CDK13: variants seen among roughly 807,000 people sequenced by gnomAD.
CDK13 encodes cyclin-dependent kinase 13.
In CDK13, 40 loss-of-function variants were observed where a neutral mutation model predicts 137.6. The ratio of observed to expected loss-of-function variants is 0.29; its 90% CI spans 0.23 to 0.38. The LOEUF is 0.38. CDK13 is among the 10% of genes least tolerant of loss of function. The probability of loss-of-function intolerance (pLI) is 1.00; values close to 1 mark genes in which losing one functional copy is unlikely to be tolerated. For synonymous variants in CDK13, 869 were observed against 760.1 expected, an observed-to-expected ratio of 1.14 and a Z score of -2.36; for missense variants, 1,704 against 1,951.8, an observed-to-expected ratio of 0.87 and a Z score of 2.39.
chr7:40,015,760 AT>A lies in CDK13; in HGVS notation c.2353+13736del, dbSNP rs79836303. 4.6e-5 allele frequency among the ~76,000 whole-genome samples: 7 copies of A among 151,646 alleles called. No individual in the cohort carries two copies. In the South Asian group the frequency reaches 1.2e-3, roughly 27 times the overall value. On this transcript the variant is annotated intron_variant, in intron 5 of 13. Transcript: ENST00000181839. ...GTTGATCCAGAAGTTTAAAAAAAAA[AT>A]TTTTTTCTGAAAGCTTAGAAGCAGT...
At chr7:40,014,700 C>CTTGAG (rs1784969005) in intron 5 of CDK13, among the ~76,000 whole-genome samples, 25 of 152,116 alleles carry the variant, frequency 1.6e-4, no homozygotes, top group Non-Finnish European at 2.9e-4. Context: ...AAGTGATCCA[C>CTTGAG]CTGCCTTGGC....
At chr7:40,030,036 C>A (rs1785334153) in intron 5 of CDK13, among the ~76,000 whole-genome samples, 1 of 152,112 alleles carries the variant, frequency 6.6e-6, no homozygotes, top group Non-Finnish European at 1.5e-5. Flanking sequence ...TTCATTGCAT[C>A]CCCTACCCCT....
intron 1 of CDK13, among the ~76,000 whole-genome samples, chr7:39,966,202 C>CTGCAGAGTGTTTTCCAACTTGGTTCCAT (rs1413534380): frequency 6.6e-6 from 1 of 152,206 alleles, no homozygotes; most frequent in Non-Finnish European, 1.5e-5. Context: ...GGATAATATC[C>CTGCAGAGTGTTTTCCAACTTGGTTCCAT]TGCAGAGTGT....
intron 2 of CDK13, among the ~76,000 whole-genome samples, chr7:39,996,901 T>G (rs763729386): frequency 7.2e-6 from 1 of 139,436 alleles, no homozygotes; most frequent in Non-Finnish European, 1.5e-5. Context: ...GAGGTGGAGG[T>G]TGCAGTGAGC....
intron 5 of CDK13, among the ~76,000 whole-genome samples, chr7:40,028,218 C>CTTTT (rs1209452508): frequency 1.7e-5 from 2 of 119,002 alleles, no homozygotes; most frequent in African/African-American, 3.6e-5. Context: ...CTTGAATTGA[C>CTTTT]TTTTTTTTTT....
At chr7:39,963,640 G>A (rs1783801599) in intron 1 of CDK13, among the ~76,000 whole-genome samples, 1 of 152,044 alleles carries the variant, frequency 6.6e-6, no homozygotes, top group African/African-American at 2.4e-5. Context: ...TGATTGCCCT[G>A]GCCAGAACTT....
rs58010602 is a variant in CDK13, at chr7:40,024,645, G to GTTTT, written c.2354-21161_2354-21158dup. ...TCTTCCAAGATATCTGTAGCTCTGT[G>GTTTT]TTTTTTTTTTTTTTTTTTTTTTTTT... On this transcript the variant is annotated intron_variant, in intron 5 of 13. Coordinates refer to ENST00000181839, the MANE Select transcript of CDK13 (RefSeq NM_003718.5). Among the ~76,000 whole-genome samples, 55 of 50,276 alleles carry GTTTT rather than the reference G, an allele frequency of 1.1e-3. 9 individuals are homozygous for GTTTT. The highest frequency in any genetic ancestry group is 4.0e-3 in the African/African-American group (48 of 11,964). The allele number at this position is 50,276 out of a possible 152,430, so 33.0% of individuals were successfully genotyped here.
At chr7:40,063,800 G>T (rs1671873200) in intron 9 of CDK13, among the ~76,000 whole-genome samples, 1 of 151,732 alleles carries the variant, frequency 6.6e-6, no homozygotes, top group African/African-American at 2.4e-5. Flanking sequence ...TCAGATTACG[G>T]GTGCCCACCA....
At chr7:40,092,604 G>A in intron 12 of CDK13, 181 bp from the exon 13 acceptor site, 1 of 569,346 alleles carries the variant, frequency 1.8e-6, no homozygotes, top group South Asian at 2.4e-5. Flanking sequence ...TTCTTTTTAT[G>A]TACAGGTACA....
Position 39,996,961 on chromosome 7 carries a change from C to CAAAAAAAAAA in CDK13, c.1872-527_1872-518dup, listed in dbSNP as rs72210233. Among the ~76,000 whole-genome samples, 132 of 83,194 alleles carry CAAAAAAAAAA rather than the reference C, an allele frequency of 1.6e-3. 8 individuals are homozygous for CAAAAAAAAAA. The highest frequency in any genetic ancestry group is 8.1e-3 in the African/African-American group (103 of 12,682). The allele number at this position is 83,194 out of a possible 152,430, so 54.6% of individuals were successfully genotyped here. A position where few individuals can be genotyped will look rare whatever the true frequency, so the allele number is the denominator to read the frequency against. On this transcript the variant is annotated intron_variant, in intron 2 of 13. Transcript: ENST00000181839. ...CTTGGGTGACAGTGAGATTCCATCTCAAAAAAAAAAAAAAAGAAAAAAAAA... is the reference window on the plus strand; with the variant it reads ...CTTGGGTGACAGTGAGATTCCATCTCAAAAAAAAAAAAAAAAAAAAAAAAAGAAAAAAAAA...
At chr7:40,003,206 ACTCT>A (rs144732307) in intron 5 of CDK13, among the ~76,000 whole-genome samples, 1,946 of 79,748 alleles carry the variant, frequency 0.024, 42 homozygotes, top group East Asian at 0.051. Context: ...ACACACACAC[ACTCT>A]CTCTCTCTCT....
chr7:40,015,230 A>C (rs957188834), intron 5 of CDK13, among the ~76,000 whole-genome samples: 1 of 152,186 alleles, frequency 6.6e-6, no homozygotes, highest in Non-Finnish European at 1.5e-5. Flanking sequence ...GACACATGGC[A>C]AAGGGACTGT....
chr7:39,983,347 T>C (rs1200503276), intron 1 of CDK13, among the ~76,000 whole-genome samples: 1 of 152,134 alleles, frequency 6.6e-6, no homozygotes, highest in East Asian at 1.9e-4. Flanking sequence ...GATCTTGATC[T>C]CCTGACCTCG....
At chr7:40,094,000 T>C in intron 13 of CDK13, 130 bp from the exon 14 acceptor site, 1 of 1,145,028 alleles carries the variant, frequency 8.7e-7, no homozygotes, top group Non-Finnish European at 1.2e-6. Flanking sequence ...TTTTGCTTTT[T>C]TCATTTAACA....
chr7:40,052,935 A>G (rs1303109350), intron 7 of CDK13, among the ~76,000 whole-genome samples: 1 of 152,146 alleles, frequency 6.6e-6, no homozygotes, highest in Non-Finnish European at 1.5e-5. Context: ...TCTGAGAATC[A>G]CTAGACAAGA....
intron 4 of CDK13, 134 bp downstream of exon 4, chr7:39,999,634 T>A (rs1469591290): frequency 1.1e-6 from 1 of 888,028 alleles, no homozygotes; most frequent in Non-Finnish European, 1.7e-6. Context: ...TCATCTTGTT[T>A]TTTTATTCTA....
intron 5 of CDK13, among the ~76,000 whole-genome samples, chr7:40,003,200 ACACACACTCTCTCTCT>A (rs1391476956): frequency 2.3e-5 from 2 of 86,306 alleles, no homozygotes; most frequent in Non-Finnish European, 4.8e-5. Context: ...ACACACACAC[ACACACACTCTCTCTCT>A]CTCTCTCTCT....
intron 5 of CDK13, among the ~76,000 whole-genome samples, chr7:40,008,427 C>T (rs1784835992): frequency 6.6e-6 from 1 of 152,198 alleles, no homozygotes; most frequent in Admixed American, 6.5e-5. Context: ...CTGACTCAAC[C>T]TAGTTTCTGG....
In CDK13 at chr7:40,016,368, T is replaced by TA. The variant is rs377162997; in HGVS notation, c.2353+14338dup. The stretch of plus-strand genomic sequence containing the variant: ...TTGTTGTGAGACCTAAGTGAGACAA[T>TA]ATGTGAAGTATTTTCACCATTCTTC... On this transcript the variant is annotated intron_variant, in intron 5 of 13. Transcript: ENST00000181839. Among the ~76,000 whole-genome samples, 584 of 152,282 alleles carry TA rather than the reference T, an allele frequency of 3.8e-3. 1 individual carries two copies. The highest frequency in any genetic ancestry group is 0.013 in the African/African-American group (520 of 41,556).
Sources: allele counts gnomAD v4.1 joint callset (sites outside exome capture counted in the v4.1 genomes callset), GRCh38; gene constraint gnomAD v4.1.1; transcripts MANE v1.5; gene names NCBI Gene and HGNC (gene_info 2026-07-23, HGNC 2026-07-21).